The following TACR1 variants were observed in gnomAD, a reference collection of about 807,000 sequenced individuals.
TACR1 encodes tachykinin receptor 1.
A neutral mutation model predicts 35.8 loss-of-function variants in TACR1; 25 were observed. The ratio of observed to expected loss-of-function variants is 0.70; its 90% CI spans 0.51 to 0.98. The LOEUF is 0.98. Ranked by LOEUF, TACR1 falls within the 50% of genes least tolerant of loss-of-function variation. The pLI is 0.00. For synonymous variants in TACR1, 195 were observed against 206.7 expected (o/e 0.94, Z 0.48); for missense variants, 478 against 522.9 (o/e 0.91, Z 0.84).
chr2:75,156,193 G>C (rs760220623), intron 1 of TACR1: 4 of 152,086 alleles, frequency 2.6e-5, no homozygotes, highest in African/African-American at 9.7e-5. Flanking sequence ...AAGTATTCTT[G>C]TAAGCGATAG....
intron 1 of TACR1, among the ~76,000 whole-genome samples, chr2:75,170,981 C>A (rs1443105766): frequency 6.6e-6 from 1 of 151,984 alleles, no homozygotes; most frequent in Admixed American, 6.5e-5. Context: ...CCTGATGATG[C>A]GATATGAGGA....
At chr2:75,116,875 A>C (rs1320407463) in intron 2 of TACR1, among the ~76,000 whole-genome samples, 2 of 151,904 alleles carry the variant, frequency 1.3e-5, no homozygotes, top group Non-Finnish European at 2.9e-5. Context: ...GTGCCATTGC[A>C]CTCCAGCCTG....
At chr2:75,055,624 G>T (rs1400310943) in intron 2 of TACR1, among the ~76,000 whole-genome samples, 2 of 152,222 alleles carry the variant, frequency 1.3e-5, no homozygotes, top group Non-Finnish European at 2.9e-5. Flanking sequence ...AATAGTTTGT[G>T]ACCAAAACAT....
At chr2:75,089,327 C>T (rs1572923059) in intron 2 of TACR1, among the ~76,000 whole-genome samples, 1 of 152,194 alleles carries the variant, frequency 6.6e-6, no homozygotes, top group African/African-American at 2.4e-5. Flanking sequence ...ACTGGCAGCC[C>T]CTGCCCTCAC....
At position 75,080,269 on chromosome 2, in the gene TACR1, G is replaced by A. The variant is rs142031564; in HGVS notation, c.585-26514C>T. ...GAGAAATGCAGTGCTCAGTCACTCC[G>A]TCCTGGAAAAAGGTTGGCTCTTCAA... On this transcript the variant is annotated intron_variant, in intron 2 of 4. Coordinates refer to ENST00000305249, the MANE Select transcript of TACR1 (RefSeq NM_001058.4). Among the ~76,000 whole-genome samples, 7 of 152,186 alleles carry A rather than the reference G, an allele frequency of 4.6e-5. No individual in the cohort carries two copies. In the East Asian group the frequency reaches 7.7e-4, roughly 17 times the overall value.
At chr2:75,157,179 G>A (rs7421287) in intron 1 of TACR1, among the ~76,000 whole-genome samples, 6 of 152,194 alleles carry the variant, frequency 3.9e-5, no homozygotes, top group Non-Finnish European at 8.8e-5. Flanking sequence ...GGAGGATGAA[G>A]AAGGAAAGGC....
intron 1 of TACR1, among the ~76,000 whole-genome samples, chr2:75,195,229 A>G (rs1675938677): frequency 6.6e-6 from 1 of 152,170 alleles, no homozygotes; most frequent in Non-Finnish European, 1.5e-5. Flanking sequence ...GGTAAACCTG[A>G]TCTTATTTAG....
At chr2:75,094,468 C>T (rs978598593) in intron 2 of TACR1, among the ~76,000 whole-genome samples, 12 of 152,056 alleles carry the variant, frequency 7.9e-5, no homozygotes, top group Non-Finnish European at 1.5e-4. Context: ...TGGTAGCTGG[C>T]CTCTTAAGGC....
chr2:75,098,229 C>CT (rs1384210819), intron 2 of TACR1, among the ~76,000 whole-genome samples: 3 of 152,094 alleles, frequency 2.0e-5, no homozygotes, highest in African/African-American at 7.2e-5. Flanking sequence ...GCATAGATTG[C>CT]TTTTAGTGCT....
intron 1 of TACR1, chr2:75,187,978 A>T (rs1029697809): frequency 2.0e-5 from 3 of 152,198 alleles, no homozygotes; most frequent in African/African-American, 7.2e-5. Flanking sequence ...AAGAGAAAAG[A>T]ACTTCAGGAA....
intron 1 of TACR1, among the ~76,000 whole-genome samples, chr2:75,132,740 A>G (rs550721681): frequency 6.6e-6 from 1 of 152,156 alleles, no homozygotes; most frequent in Non-Finnish European, 1.5e-5. Context: ...ACGATATACA[A>G]TTGTTTTTGC....
intron 1 of TACR1, among the ~76,000 whole-genome samples, chr2:75,183,102 A>G (rs1265395794): frequency 1.3e-5 from 2 of 152,234 alleles, no homozygotes; most frequent in Admixed American, 6.5e-5. Context: ...ATTTACAAGC[A>G]TGAGTGTGTT....
chr2:75,196,668 C>A (rs561975602), intron 1 of TACR1, among the ~76,000 whole-genome samples: 6 of 152,290 alleles, frequency 3.9e-5, no homozygotes, highest in South Asian at 2.1e-4. Flanking sequence ...CCACCCCTAA[C>A]CTTCTAAGTT....
At chr2:75,174,966 T>C (rs1440211296) in intron 1 of TACR1, among the ~76,000 whole-genome samples, 1 of 152,214 alleles carries the variant, frequency 6.6e-6, no homozygotes, top group African/African-American at 2.4e-5. Context: ...TCTTTATAGA[T>C]TGATCAGAAT....
chr2:75,101,302 C>T (rs954381853), intron 2 of TACR1, among the ~76,000 whole-genome samples: 1 of 152,116 alleles, frequency 6.6e-6, no homozygotes, highest in Non-Finnish European at 1.5e-5. Flanking sequence ...AATAAGTCCT[C>T]TCATTAATGA....
chr2:75,172,364 C>T (rs905769586), intron 1 of TACR1, among the ~76,000 whole-genome samples: 1 of 152,164 alleles, frequency 6.6e-6, no homozygotes, highest in Non-Finnish European at 1.5e-5. Context: ...GGAAATTACT[C>T]TTTTTGCAAA....
intron 1 of TACR1, among the ~76,000 whole-genome samples, chr2:75,135,730 C>G (rs1055685549): frequency 3.3e-5 from 5 of 152,194 alleles, no homozygotes; most frequent in Admixed American, 1.3e-4. Flanking sequence ...AGAGACACTT[C>G]AGCATGATGA....
rs908750400 is a variant in TACR1 at position 75,087,443 on chromosome 2, A to T, written c.584+33131T>A. Reference sequence around the variant, plus strand: ...TTTCTCTCTGGAGTGTTTGGAAGACACCATTAATAGATGGTTGCAAACAAC... The same window carrying T: ...TTTCTCTCTGGAGTGTTTGGAAGACTCCATTAATAGATGGTTGCAAACAAC... On this transcript the variant is annotated intron_variant, in intron 2 of 4. Coordinates refer to ENST00000305249, the MANE Select transcript of TACR1 (RefSeq NM_001058.4). 2.6e-5 allele frequency among the ~76,000 whole-genome samples: 4 copies of T among 152,224 alleles called. No individual in the cohort carries two copies. In the South Asian group the frequency reaches 8.3e-4, roughly 31 times the overall value.
intron 2 of TACR1, among the ~76,000 whole-genome samples, chr2:75,080,694 C>T (rs1003544503): frequency 6.6e-6 from 1 of 152,098 alleles, no homozygotes; most frequent in African/African-American, 2.4e-5. Context: ...TTCCTATTTC[C>T]AGGCAGGGTT....
Sources: gnomAD v4.1 joint callset for allele counts (sites outside exome capture counted in the v4.1 genomes callset) on GRCh38, gnomAD v4.1.1 for gene constraint, MANE v1.5 for transcripts, NCBI Gene and HGNC (gene_info 2026-07-23, HGNC 2026-07-21) for gene names.